IQANK1: variants seen among roughly 807,000 people sequenced by gnomAD.
IQANK1 encodes the protein IQ motif and ankyrin repeat domain-containing protein 1.
In IQANK1, 30 loss-of-function variants were observed where a neutral mutation model predicts 22.6. That is an observed-to-expected ratio of 1.33 (90% CI 0.99 to 1.80). The LOEUF (loss-of-function observed/expected upper bound fraction) is 1.80, where lower values mean the gene tolerates loss of function less well. Ranked by LOEUF, IQANK1 falls within the 40% of genes most tolerant of loss-of-function variation. The probability of loss-of-function intolerance (pLI) is 0.00; values close to 1 mark genes in which losing one functional copy is unlikely to be tolerated. For missense variants in IQANK1, 275 were observed against 235.2 expected, an observed-to-expected ratio of 1.17 and a Z score of -1.11; for synonymous variants, 122 against 99.6, an observed-to-expected ratio of 1.23 and a Z score of -1.34.
At position 143,790,221 on chromosome 8, in the gene IQANK1, G is replaced by A. The variant is rs548323400; in HGVS notation, c.1374G>A (p.Pro458=). ...QDTNYVDTVN[P]EPLRPETMWL... Reference sequence around the variant, plus strand: ...CCAACTATGTGGACACGGTGAACCCGGAGCCCCTGAGGCCGGAGACGATGT... The same window carrying A: ...CCAACTATGTGGACACGGTGAACCCAGAGCCCCTGAGGCCGGAGACGATGT... Residue 458 remains proline (P), a synonymous_variant, in exon 13 of 14, where the codon CCG becomes CCA. Coordinates refer to ENST00000527139, the MANE Select transcript of IQANK1 (RefSeq NM_001381874.1). 25 of 1,232,036 alleles carry A rather than the reference G, an allele frequency of 2.0e-5. No homozygotes were observed. The highest frequency in any genetic ancestry group is 1.9e-4 in the East Asian group (6 of 31,728). 76.3% of individuals were successfully genotyped at this position (1,232,036 alleles called of 1,614,324 possible).
At chr8:143,760,838 C>T (rs371251322) in intron 3 of IQANK1, among the ~76,000 whole-genome samples, 279 of 152,298 alleles carry the variant, frequency 1.8e-3, no homozygotes, top group African/African-American at 3.0e-3. Context: ...GGGTTTTCTG[C>T]GCTCGGCATC....
Position 143,763,204 on chromosome 8 carries a change from C to T in IQANK1, c.176-8284C>T, listed in dbSNP as rs537986032. Reference sequence around the variant, plus strand: ...CTAATTTTTGTATTTTTATTAGAGACGGGGTTTCACCATGTCAGCCAGGCT... The same window carrying T: ...CTAATTTTTGTATTTTTATTAGAGATGGGGTTTCACCATGTCAGCCAGGCT... On this transcript the variant is annotated intron_variant, in intron 3 of 13. Transcript: ENST00000527139. 3.9e-5 allele frequency among the ~76,000 whole-genome samples: 6 copies of T among 152,072 alleles called. No homozygotes were observed. The East Asian group carries it at 1.2e-3, about 29-fold the overall frequency.
intron 7 of IQANK1, among the ~76,000 whole-genome samples, chr8:143,784,782 G>C (rs1554631188): frequency 6.6e-6 from 1 of 152,182 alleles, no homozygotes; most frequent in Admixed American, 6.5e-5. Context: ...GTCAGATCTA[G>C]TCATTTGGCT....
At position 143,771,904 on chromosome 8, in the gene IQANK1, G is replaced by A; in HGVS notation, c.410G>A (p.Arg137His). Residue 137 changes from arginine (R) to histidine (H), a missense_variant, in exon 5 of 14, where the codon CGC becomes CAC. By Grantham distance (29) the Arg-to-His change is conservative. Transcript: ENST00000527139. The surrounding 1 kb of genome is among the most constrained non-coding windows in gnomAD (Gnocchi z 6.0). ...RERREELQRR[R>H]RLLDAAFDGD... Reference sequence around the variant, plus strand: ...CGGCGGGAGGAGCTGCAGCGTCGCCGCCGCCTGCTGGACGCCGCCTTCGAC... The same window carrying A: ...CGGCGGGAGGAGCTGCAGCGTCGCCACCGCCTGCTGGACGCCGCCTTCGAC... 1 of 389,578 alleles carries A rather than the reference G, an allele frequency of 2.6e-6. No homozygotes were observed. Among genetic ancestry groups the A allele is most frequent in the Non-Finnish European group, 4.5e-6 (1 of 221,036 alleles). 24.1% of individuals were successfully genotyped at this position (389,578 alleles called of 1,614,324 possible).
In IQANK1 at chr8:143,743,780, G is replaced by A. The variant is rs1309514284; in HGVS notation, c.175+3832G>A. The A allele has an allele frequency of 1.9e-5, 7 of 377,214 alleles. No individual in the cohort carries two copies. In the East Asian group the frequency reaches 5.1e-4, roughly 27 times the overall value. The allele number at this position is 377,214 out of a possible 1,614,324, so 23.4% of individuals were successfully genotyped here. A position where few individuals can be genotyped will look rare whatever the true frequency, so the allele number is the denominator to read the frequency against. The stretch of plus-strand genomic sequence containing the variant: ...ATTATGCTGCCATCTACAGATAAGT[G>A]AGATCAGAAACATTAGTTTCATATA... On this transcript the variant is annotated intron_variant, in intron 3 of 13. Coordinates refer to ENST00000527139, the MANE Select transcript of IQANK1 (RefSeq NM_001381874.1).
chr8:143,749,124 A>G (rs1554627690), intron 3 of IQANK1, among the ~76,000 whole-genome samples: 3 of 123,612 alleles, frequency 2.4e-5, no homozygotes, highest in African/African-American at 9.9e-5. Context: ...ACGTATATAT[A>G]GCATATATGA....
At chr8:143,786,707 CA>C (rs1819895719) in intron 7 of IQANK1, among the ~76,000 whole-genome samples, 1 of 152,168 alleles carries the variant, frequency 6.6e-6, no homozygotes. Context: ...GTGGAGATGC[CA>C]GGCTACCAGG....
chr8:143,767,757 T>C (rs1426265304), intron 3 of IQANK1, among the ~76,000 whole-genome samples: 1 of 151,816 alleles, frequency 6.6e-6, no homozygotes, highest in African/African-American at 2.4e-5. Flanking sequence ...TGGTGGTGTA[T>C]ACCTGTGGTC....
At chr8:143,752,068 C>T (rs781927592) in intron 3 of IQANK1, among the ~76,000 whole-genome samples, 12 of 152,060 alleles carry the variant, frequency 7.9e-5, no homozygotes, top group South Asian at 2.1e-4. Flanking sequence ...CAGGTTCAAG[C>T]GATTCTCCTG....
chr8:143,771,358 G>T lies in IQANK1; in HGVS notation c.176-130G>T, dbSNP rs1819567638. 1 of 391,396 alleles carries T rather than the reference G, an allele frequency of 2.6e-6. No individual in the cohort carries two copies. The highest frequency in any genetic ancestry group is 2.1e-5 in the African/African-American group (1 of 48,024). The allele number at this position is 391,396 out of a possible 1,614,324, so 24.2% of individuals were successfully genotyped here. Reference sequence around the variant, plus strand: ...GCGGGAACCCCGGCTCGGCCGCGCTGGGGGCTTTGAGAGCCGTTTGGGTCC... The same window carrying T: ...GCGGGAACCCCGGCTCGGCCGCGCTTGGGGCTTTGAGAGCCGTTTGGGTCC... On this transcript the variant is annotated intron_variant, in intron 3 of 13. Coordinates refer to ENST00000527139, the MANE Select transcript of IQANK1 (RefSeq NM_001381874.1). This position sits in a 1 kb window ranked among gnomAD's most constrained non-coding sequence, Gnocchi z 6.0.
Position 143,773,251 on chromosome 8 carries a change from G to C in IQANK1, c.789+769G>C, listed in dbSNP as rs181150705. The stretch of plus-strand genomic sequence containing the variant: ...GAACCTGGGAGGCAGAGGTTGCAGC[G>C]AGCCAAGATGGCGCCACTGCACTCC... On this transcript the variant is annotated intron_variant, in intron 7 of 13. Coordinates refer to ENST00000527139, the MANE Select transcript of IQANK1 (RefSeq NM_001381874.1). 2.7e-5 allele frequency among the ~76,000 whole-genome samples: 4 copies of C among 150,326 alleles called. No individual in the cohort carries two copies. The East Asian group carries it at 7.8e-4, about 29-fold the overall frequency.
At chr8:143,748,918 T>C (rs1475795360) in intron 3 of IQANK1, among the ~76,000 whole-genome samples, 4 of 73,272 alleles carry the variant, frequency 5.5e-5, no homozygotes, top group African/African-American at 1.3e-4. Context: ...TATATATCTA[T>C]ATATAAATAT....
intron 3 of IQANK1, among the ~76,000 whole-genome samples, chr8:143,764,250 G>A (rs1200023930): frequency 1.3e-5 from 2 of 151,976 alleles, no homozygotes; most frequent in Admixed American, 6.6e-5. Context: ...TGTAAGCAAC[G>A]CCCCCAAATC....
rs183204357 is a variant in IQANK1, at chr8:143,778,711, C to T, written c.789+6229C>T. On this transcript the variant is annotated intron_variant, in intron 7 of 13. Coordinates refer to ENST00000527139, the MANE Select transcript of IQANK1 (RefSeq NM_001381874.1). ...ATACATTCACCCACTTCATCCATCT[C>T]GCCCCAGTATTGGTTTGCGCTTTCG... 1.9e-4 allele frequency among the ~76,000 whole-genome samples: 29 copies of T among 152,340 alleles called. No individual in the cohort carries two copies. In the East Asian group the frequency reaches 3.3e-3, roughly 17 times the overall value.
chr8:143,780,793 G>C (rs1819783377), intron 7 of IQANK1, among the ~76,000 whole-genome samples: 1 of 152,140 alleles, frequency 6.6e-6, no homozygotes, highest in African/African-American at 2.4e-5. Context: ...ACATATGCGT[G>C]CATGTGTCTT....
At chr8:143,785,041 GTTATT>G (rs1300881261) in intron 7 of IQANK1, among the ~76,000 whole-genome samples, 4 of 151,984 alleles carry the variant, frequency 2.6e-5, no homozygotes, top group Admixed American at 2.0e-4. Flanking sequence ...CTTAATTTTG[GTTATT>G]TTAATTTTCA....
chr8:143,784,536 T>C (rs915514498), intron 7 of IQANK1, among the ~76,000 whole-genome samples: 1 of 152,250 alleles, frequency 6.6e-6, no homozygotes, highest in Non-Finnish European at 1.5e-5. Context: ...AATGGACTAA[T>C]ACAGATGTGC....
intron 7 of IQANK1, among the ~76,000 whole-genome samples, chr8:143,787,364 T>C (rs955900898): frequency 1.3e-4 from 20 of 151,896 alleles, no homozygotes; most frequent in Non-Finnish European, 2.9e-4. Context: ...TGGAGGTGAG[T>C]TTACCACGTG....
chr8:143,749,582 A>ATATATT (rs1223131772), intron 3 of IQANK1, among the ~76,000 whole-genome samples: 72 of 129,398 alleles, frequency 5.6e-4, no homozygotes, highest in East Asian at 2.5e-3. Flanking sequence ...ATATATATAT[A>ATATATT]TTTTATTTAT....
Sources: gnomAD v4.1 joint callset for allele counts (sites outside exome capture counted in the v4.1 genomes callset) on GRCh38, gnomAD v4.1.1 for gene constraint, Gnocchi (gnomAD v3.1) non-coding constraint, MANE v1.5 for transcripts, NCBI Gene and HGNC (gene_info 2026-07-23, HGNC 2026-07-21) for gene names.